The following RGS8 variants were observed in gnomAD, a reference collection of about 807,000 sequenced individuals.
RGS8 encodes the protein regulator of G-protein signaling 8.
Under a neutral mutation model 21.7 loss-of-function variants are expected in RGS8, and 8 were observed. That is an observed-to-expected ratio of 0.37 (90% CI 0.22 to 0.66). The LOEUF (loss-of-function observed/expected upper bound fraction) is 0.66, where lower values mean the gene tolerates loss of function less well. Ranked by LOEUF, RGS8 falls within the 30% of genes least tolerant of loss-of-function variation. The pLI is 0.59. For synonymous variants in RGS8, 80 were observed against 83.6 expected (o/e 0.96, Z 0.24); for missense variants, 157 against 217.9 (o/e 0.72, Z 1.76).
the RGS8 span, among the ~76,000 whole-genome samples, chr1:182,694,206 G>A: frequency 6.6e-6 from 1 of 151,814 alleles, no homozygotes; most frequent in Admixed American, 6.6e-5. Flanking sequence ...CTTTACCTCA[G>A]GATGGTAAAT....
At chr1:182,691,633 A>AAAAAAT in the RGS8 span, among the ~76,000 whole-genome samples, 1 of 148,982 alleles carries the variant, frequency 6.7e-6, no homozygotes, top group African/African-American at 2.5e-5. Context: ...AAAAAAAAAA[A>AAAAAAT]AACCTCAACA....
chr1:182,721,227 C>T, the RGS8 span, among the ~76,000 whole-genome samples: 1 of 151,816 alleles, frequency 6.6e-6, no homozygotes, highest in Non-Finnish European at 1.5e-5. Context: ...TATTTAGTGC[C>T]TATCATGTCC....
At chr1:182,643,315 C>T (rs1371094695), downstream of RGS8, 1 of 101,818 alleles carries the variant, frequency 9.8e-6, no homozygotes, top group African/African-American at 4.7e-5. Context: ...TGTCTCCCCC[C>T]TCCCCCAGCC....
the RGS8 span, among the ~76,000 whole-genome samples, chr1:182,751,610 T>C: frequency 7.4e-6 from 1 of 135,892 alleles, no homozygotes; most frequent in African/African-American, 2.6e-5. Context: ...ATACATTTAA[T>C]ATTTTTTTCT....
chr1:182,751,182 A>G, the RGS8 span, among the ~76,000 whole-genome samples: 1 of 152,244 alleles, frequency 6.6e-6, no homozygotes, highest in Non-Finnish European at 1.5e-5. Flanking sequence ...CATGGAAATA[A>G]AGATCATGCC....
At chr1:182,658,669 T>C (rs987803308) in intron 5 of RGS8, 1 of 152,236 alleles carries the variant, frequency 6.6e-6, no homozygotes, top group African/African-American at 2.4e-5. Context: ...GTGAAATCTG[T>C]GAAATAAATT....
chr1:182,679,067 G>A (rs1664459483), intron 1 of RGS8, among the ~76,000 whole-genome samples: 1 of 151,878 alleles, frequency 6.6e-6, no homozygotes, highest in Non-Finnish European at 1.5e-5. Flanking sequence ...CTTTCCCATG[G>A]ACCCTCCTTT....
chr1:182,705,486 G>A, the RGS8 span, among the ~76,000 whole-genome samples: 1 of 152,098 alleles, frequency 6.6e-6, no homozygotes, highest in Non-Finnish European at 1.5e-5. Context: ...CAGCTATCTG[G>A]GCATCTCTTA....
chr1:182,698,991 T>C, the RGS8 span, among the ~76,000 whole-genome samples: 4 of 152,138 alleles, frequency 2.6e-5, no homozygotes, highest in African/African-American at 7.2e-5. Flanking sequence ...GCCTGAAAAA[T>C]AGAGCCCAGA....
At chr1:182,677,161 C>T (rs141031673), upstream of RGS8, among the ~76,000 whole-genome samples, 453 of 152,260 alleles carry the variant, frequency 3.0e-3, 3 homozygotes, top group Non-Finnish European at 5.5e-3. Flanking sequence ...ACCCCAACTC[C>T]GTAATTTTCC....
upstream of RGS8, chr1:182,684,645 T>G (rs1664653661): frequency 6.6e-6 from 1 of 152,162 alleles, no homozygotes; most frequent in African/African-American, 2.4e-5. This position sits in a 1 kb window ranked among gnomAD's most constrained non-coding sequence, Gnocchi z 4.2. Flanking sequence ...CTCTGACAGA[T>G]GATGCGCACT....
the RGS8 span, among the ~76,000 whole-genome samples, chr1:182,721,788 A>G: frequency 6.6e-6 from 1 of 152,228 alleles, no homozygotes; most frequent in African/African-American, 2.4e-5. Flanking sequence ...AATGAGCAGC[A>G]CTGGAAGCAT....
chr1:182,658,097 G>A (rs1663373577), intron 5 of RGS8, among the ~76,000 whole-genome samples: 1 of 152,238 alleles, frequency 6.6e-6, no homozygotes, highest in Non-Finnish European at 1.5e-5. Flanking sequence ...GGAAAGGCTT[G>A]TGTCCAGAAT....
intron 5 of RGS8, among the ~76,000 whole-genome samples, chr1:182,664,753 A>G (rs985929989): frequency 6.6e-5 from 10 of 152,236 alleles, no homozygotes; most frequent in African/African-American, 2.4e-4. Context: ...AGTGCAATCC[A>G]CAGAATACTA....
chr1:182,651,761 T>C (rs1663029139), intron 5 of RGS8, among the ~76,000 whole-genome samples: 1 of 152,138 alleles, frequency 6.6e-6, no homozygotes, highest in Non-Finnish European at 1.5e-5. Context: ...TCCCCACTGC[T>C]TGTAGGAGGG....
At chr1:182,678,145 G>A (rs1205557893) in intron 1 of RGS8, among the ~76,000 whole-genome samples, 4 of 152,106 alleles carry the variant, frequency 2.6e-5, no homozygotes, top group Non-Finnish European at 5.9e-5. Flanking sequence ...ATCTTTTAGA[G>A]GTATACTCTG....
chr1:182,691,313 A>T, the RGS8 span, among the ~76,000 whole-genome samples: 1 of 152,212 alleles, frequency 6.6e-6, no homozygotes, highest in Non-Finnish European at 1.5e-5. Flanking sequence ...ACTATTTTTA[A>T]TTTACCCCTC....
At chr1:182,721,029 G>T in the RGS8 span, among the ~76,000 whole-genome samples, 2 of 84,062 alleles carry the variant, frequency 2.4e-5, no homozygotes, top group Non-Finnish European at 4.8e-5. Context: ...ATATATATGT[G>T]TGTATATATA....
the RGS8 span, among the ~76,000 whole-genome samples, chr1:182,700,695 A>G: frequency 6.6e-6 from 1 of 152,234 alleles, no homozygotes; most frequent in African/African-American, 2.4e-5. Context: ...ACAAAACCGA[A>G]CAGCATTTAA....
Sources: allele counts gnomAD v4.1 joint callset (sites outside exome capture counted in the v4.1 genomes callset), GRCh38; gene constraint gnomAD v4.1.1; non-coding constraint Gnocchi (gnomAD v3.1); transcripts MANE v1.5; gene names NCBI Gene and HGNC (gene_info 2026-07-23, HGNC 2026-07-21).